FCHSD2: variants seen among roughly 807,000 people sequenced by gnomAD.
FCHSD2 encodes the protein F-BAR and double SH3 domains protein 2.
Under a neutral mutation model 108.1 loss-of-function variants are expected in FCHSD2, and 38 were observed. That is an observed-to-expected ratio of 0.35 (90% CI 0.27 to 0.46). The LOEUF is 0.46. FCHSD2 is among the 20% of genes least tolerant of loss of function. The pLI is 1.00. For missense variants in FCHSD2, 751 were observed against 897.8 expected (o/e 0.84, Z 2.09); for synonymous variants, 279 against 314.7 (o/e 0.89, Z 1.20).
At chr11:72,971,601 A>C (rs1857007709) in intron 8 of FCHSD2, among the ~76,000 whole-genome samples, 1 of 152,178 alleles carries the variant, frequency 6.6e-6, no homozygotes, top group African/African-American at 2.4e-5. Context: ...AGGAGCTGAG[A>C]ATGACCCCAG....
At chr11:72,854,841 A>G (rs1460755219) in intron 13 of FCHSD2, among the ~76,000 whole-genome samples, 1 of 152,220 alleles carries the variant, frequency 6.6e-6, no homozygotes, top group Non-Finnish European at 1.5e-5. Context: ...CTAGATGAAA[A>G]GAATACTAGA....
chr11:73,007,633 G>A (rs1436096459), intron 4 of FCHSD2, among the ~76,000 whole-genome samples: 1 of 151,894 alleles, frequency 6.6e-6, no homozygotes, highest in Non-Finnish European at 1.5e-5. Context: ...AAAAAGGGGG[G>A]AAAAAGAGAA....
chr11:72,901,250 A>G (rs1855519528), intron 10 of FCHSD2, among the ~76,000 whole-genome samples: 1 of 152,056 alleles, frequency 6.6e-6, no homozygotes, highest in Non-Finnish European at 1.5e-5. Context: ...CAAAGAAAAT[A>G]GCCAGGCACA....
intron 8 of FCHSD2, chr11:72,940,758 T>C (rs1856400523): frequency 1.2e-6 from 1 of 853,802 alleles, no homozygotes; most frequent in Non-Finnish European, 2.0e-6. Flanking sequence ...CTGTTCATCA[T>C]GGTGTTAATC....
intron 3 of FCHSD2, among the ~76,000 whole-genome samples, chr11:73,039,113 G>A (rs1858569070): frequency 6.6e-6 from 1 of 152,100 alleles, no homozygotes; most frequent in South Asian, 2.1e-4. Flanking sequence ...GTTTCAAACT[G>A]GAATATCCGT....
chr11:72,927,134 C>G (rs1478441457), intron 8 of FCHSD2, among the ~76,000 whole-genome samples: 1 of 152,100 alleles, frequency 6.6e-6, no homozygotes, highest in Admixed American at 6.5e-5. Flanking sequence ...GGCAAAAAAC[C>G]CTGTAAGCCT....
chr11:73,019,911 A>T (rs889726225), intron 3 of FCHSD2, among the ~76,000 whole-genome samples: 8 of 152,224 alleles, frequency 5.3e-5, no homozygotes, highest in African/African-American at 7.2e-5. Flanking sequence ...GCAATTTTTT[A>T]AAGTTTTTAA....
Position 72,984,109 on chromosome 11 carries a change from T to C in FCHSD2, c.684A>G (p.Thr228=), listed in dbSNP as rs1857266784. 1 of 1,613,278 alleles carries C rather than the reference T, an allele frequency of 6.2e-7. No individual in the cohort carries two copies. Among genetic ancestry groups the C allele is most frequent in the Non-Finnish European group, 8.5e-7 (1 of 1,179,316 alleles). The part of the protein sequence containing the change: ...ANAHQDRYYQ[T]DLVNIMKALD... ...TTACCTTCATAATGTTAACTAAATC[T>C]GTTTGATAGTAGCGATCCTGATGTG... is the stretch of plus-strand genomic sequence containing the variant. The change falls in exon 8 of 20, where the codon ACA becomes ACG. Residue 228 remains threonine (T), a synonymous_variant. Transcript: ENST00000409418.
intron 10 of FCHSD2, among the ~76,000 whole-genome samples, chr11:72,896,764 T>TAAAAAAAAAAAAAAA (rs58159831): frequency 1.5e-5 from 1 of 68,388 alleles, no homozygotes; most frequent in Non-Finnish European, 2.7e-5. Flanking sequence ...GGGAAAATAC[T>TAAAAAAAAAAAAAAA]AAAAAAAAAA....
chr11:73,037,458 TCTGGCAACTA>T lies in FCHSD2; in HGVS notation c.166-21583_166-21574del, dbSNP rs1346944835. Among the ~76,000 whole-genome samples the T allele has an allele frequency of 2.0e-5, 3 of 152,220 alleles. No homozygotes were observed. In the East Asian group the frequency reaches 5.8e-4, roughly 29 times the overall value. On this transcript the variant is annotated intron_variant, in intron 3 of 19. Coordinates refer to ENST00000409418, the MANE Select transcript of FCHSD2 (RefSeq NM_014824.3). Reference sequence around the variant, plus strand: ...TGTCCCTTCCCCTTCATCCTCAACTTCTGGCAACTACTGATCTTTTTACTATCTCATAATT... The same window carrying T: ...TGTCCCTTCCCCTTCATCCTCAACTTCTGATCTTTTTACTATCTCATAATT...
At chr11:73,024,724 A>T (rs1858186752) in intron 3 of FCHSD2, among the ~76,000 whole-genome samples, 1 of 152,136 alleles carries the variant, frequency 6.6e-6, no homozygotes, top group Non-Finnish European at 1.5e-5. Flanking sequence ...ATGGGAGAAA[A>T]TACTGCAAAC....
chr11:72,859,707 C>T (rs1861520043), intron 13 of FCHSD2, among the ~76,000 whole-genome samples: 1 of 152,096 alleles, frequency 6.6e-6, no homozygotes, highest in Admixed American at 6.5e-5. Context: ...AGAGGGTCCT[C>T]CTCAAGACTT....
In FCHSD2 at chr11:72,842,511, C is replaced by T. The variant is rs1485283743; in HGVS notation, c.1926+110G>A. ...TGTGCAGACACTGGCAACCAAGGAC[C>T]GGTGAGGGTAAGGCAGAGACTGCAG... is the stretch of plus-strand genomic sequence containing the variant. On this transcript the variant is annotated intron_variant, in intron 17 of 19. Transcript: ENST00000409418. 12 of 1,309,194 alleles carry T rather than the reference C, an allele frequency of 9.2e-6. No individual in the cohort carries two copies. In the East Asian group the frequency reaches 1.4e-4, roughly 16 times the overall value. The allele number at this position is 1,309,194 out of a possible 1,614,324, so 81.1% of individuals were successfully genotyped here.
intron 3 of FCHSD2, among the ~76,000 whole-genome samples, chr11:73,043,487 GTTAAA>G (rs1475577379): frequency 6.6e-6 from 1 of 152,156 alleles, no homozygotes; most frequent in East Asian, 1.9e-4. Context: ...GAATTAATCA[GTTAAA>G]TTACATACAA....
chr11:72,957,863 G>C (rs1856744981), intron 8 of FCHSD2, among the ~76,000 whole-genome samples: 1 of 152,108 alleles, frequency 6.6e-6, no homozygotes, highest in Admixed American at 6.5e-5. Context: ...GGAACAAACA[G>C]AACAAAATGT....
chr11:72,867,573 G>C (rs1435083856), intron 13 of FCHSD2, among the ~76,000 whole-genome samples: 1 of 151,892 alleles, frequency 6.6e-6, no homozygotes, highest in Non-Finnish European at 1.5e-5. Flanking sequence ...ATTACTTCCA[G>C]ACACGAAGCA....
At chr11:73,048,128 A>G (rs1765212909) in intron 3 of FCHSD2, among the ~76,000 whole-genome samples, 1 of 152,214 alleles carries the variant, frequency 6.6e-6, no homozygotes, top group African/African-American at 2.4e-5. Context: ...GAAAAACTTG[A>G]CAATGTTAGC....
chr11:72,921,953 G>A lies in FCHSD2; in HGVS notation c.706-3C>T. The A allele has an allele frequency of 1.3e-6, 2 of 1,578,146 alleles. No individual in the cohort carries two copies. The highest frequency in any genetic ancestry group is 1.7e-6 in the Non-Finnish European group (2 of 1,160,190). The stretch of plus-strand genomic sequence containing the variant: ...TCATACACATTTCCATCAAGAGCCT[G>A]TAATAGAGGAGTAAATAAAAGAAAA... On this transcript the variant is annotated splice_polypyrimidine_tract_variant and splice_region_variant and intron_variant, in intron 8 of 19. Coordinates refer to ENST00000409418, the MANE Select transcript of FCHSD2 (RefSeq NM_014824.3).
intron 13 of FCHSD2, among the ~76,000 whole-genome samples, chr11:72,865,099 A>G (rs1854693026): frequency 1.3e-5 from 2 of 152,218 alleles, no homozygotes; most frequent in African/African-American, 4.8e-5. Context: ...TCCACAAGGC[A>G]CTTTTCAGTT....
Sources: allele counts gnomAD v4.1 joint callset (sites outside exome capture counted in the v4.1 genomes callset), GRCh38; gene constraint gnomAD v4.1.1; transcripts MANE v1.5; gene names NCBI Gene and HGNC (gene_info 2026-07-23, HGNC 2026-07-21).